Variants in ANO1 observed in about 807,000 individuals in gnomAD.
ANO1 encodes anoctamin 1.
In ANO1, 59 loss-of-function variants were observed where a neutral mutation model predicts 124.0. The ratio of observed to expected loss-of-function variants is 0.48; its 90% CI spans 0.39 to 0.59. ANO1 has a LOEUF of 0.59. Among genes scored for constraint, ANO1 ranks in the 20% least tolerant of loss-of-function variants. The pLI is 0.00. For missense variants in ANO1, 1,059 were observed against 1,328.0 expected, an observed-to-expected ratio of 0.80 and a Z score of 3.15; for synonymous variants, 529 against 532.0, an observed-to-expected ratio of 0.99 and a Z score of 0.08.
At chr11:70,009,465 G>A (rs897024487) in intron 1 of ANO1, among the ~76,000 whole-genome samples, 3 of 152,156 alleles carry the variant, frequency 2.0e-5, no homozygotes, top group Admixed American at 6.5e-5. Flanking sequence ...TCTTTCCCTG[G>A]ACCTGAGTTC....
At chr11:69,972,522 A>C in the ANO1 span, among the ~76,000 whole-genome samples, 1 of 152,192 alleles carries the variant, frequency 6.6e-6, no homozygotes, top group South Asian at 2.1e-4. Flanking sequence ...TGAAAACTGT[A>C]AAGTGCTATA....
intron 13 of ANO1, 81 bp downstream of exon 13, chr11:70,152,542 T>G: frequency 6.6e-7 from 1 of 1,511,150 alleles, no homozygotes; most frequent in Non-Finnish European, 9.1e-7. Context: ...CCTAATCTCT[T>G]TCTACCACGC....
intron 2 of ANO1, 78 bp from the exon 3 acceptor site, chr11:70,102,988 T>C: frequency 1.0e-6 from 1 of 983,936 alleles, no homozygotes; most frequent in Non-Finnish European, 1.5e-6. Context: ...TAAATTGTGG[T>C]GGCCTCTGAA....
intron 8 of ANO1, 49 bp downstream of exon 8, chr11:70,116,548 C>T (rs1292297009): frequency 1.9e-6 from 3 of 1,549,008 alleles, no homozygotes; most frequent in Non-Finnish European, 2.6e-6. Flanking sequence ...AGCCTGGAGG[C>T]GTTCTGGGGC....
intron 11 of ANO1, among the ~76,000 whole-genome samples, chr11:70,148,569 G>A (rs1454015039): frequency 6.6e-6 from 1 of 152,208 alleles, no homozygotes; most frequent in Non-Finnish European, 1.5e-5. Context: ...AACAGTGCCT[G>A]GCAAGGAACA....
chr11:70,062,961 A>G (rs1555007975), intron 1 of ANO1, among the ~76,000 whole-genome samples: 1 of 151,758 alleles, frequency 6.6e-6, no homozygotes, highest in East Asian at 1.9e-4. Flanking sequence ...ACAGAGTCTC[A>G]CTCTGTCACC....
upstream of ANO1, among the ~76,000 whole-genome samples, chr11:70,076,256 G>A (rs1196279653): frequency 6.6e-6 from 1 of 152,200 alleles, no homozygotes; most frequent in African/African-American, 2.4e-5. Flanking sequence ...GTTAAGCACT[G>A]TTTCTTGAGT....
At chr11:70,077,706 A>C (rs1015070069), upstream of ANO1, among the ~76,000 whole-genome samples, 2 of 152,148 alleles carry the variant, frequency 1.3e-5, no homozygotes, top group African/African-American at 4.8e-5. Flanking sequence ...TGTCCTCTGC[A>C]AAATGAGGAC....
At chr11:70,030,148 T>C (rs1555003666) in intron 1 of ANO1, among the ~76,000 whole-genome samples, 2 of 152,182 alleles carry the variant, frequency 1.3e-5, no homozygotes, top group Non-Finnish European at 2.9e-5. Context: ...GAAGCGAAAG[T>C]TGCTCAGTCT....
intron 7 of ANO1, among the ~76,000 whole-genome samples, 153 bp downstream of exon 7, chr11:70,111,915 T>C (rs528165611): frequency 1.3e-5 from 2 of 152,322 alleles, no homozygotes; most frequent in African/African-American, 2.4e-5. Context: ...CCTTCCCTGT[T>C]CCCCGGGTGG....
chr11:70,040,139 G>T (rs11237569), intron 1 of ANO1, among the ~76,000 whole-genome samples: 2,873 of 152,110 alleles, frequency 0.019, 110 homozygotes, highest in East Asian at 0.16. Context: ...ATCTGGCAGC[G>T]GATACCAAAT....
At chr11:70,089,041 G>C (rs1036107229) in intron 2 of ANO1, among the ~76,000 whole-genome samples, 1 of 152,160 alleles carries the variant, frequency 6.6e-6, no homozygotes, top group Admixed American at 6.5e-5. Flanking sequence ...CTAGCACAGC[G>C]GTGCTTCCTT....
At chr11:70,041,751 C>T (rs1168966158) in intron 1 of ANO1, among the ~76,000 whole-genome samples, 1 of 152,078 alleles carries the variant, frequency 6.6e-6, no homozygotes, top group African/African-American at 2.4e-5. Context: ...TCCTGCTGTA[C>T]TTCCTTCCCT....
chr11:69,998,130 C>T (rs1033851519), intron 1 of ANO1, among the ~76,000 whole-genome samples: 5 of 152,310 alleles, frequency 3.3e-5, no homozygotes, highest in Admixed American at 1.3e-4. Context: ...ACTCCTCACA[C>T]GGGTTTCTCT....
chr11:70,103,891 C>T (rs532885177), intron 3 of ANO1, 108 bp from the exon 4 acceptor site: 59 of 1,249,886 alleles, frequency 4.7e-5, no homozygotes, highest in African/African-American at 2.6e-4. Flanking sequence ...GCTCTCAGGA[C>T]GCCCCGTTGC....
intron 1 of ANO1, among the ~76,000 whole-genome samples, chr11:70,037,872 G>T (rs1371479675): frequency 2.6e-5 from 4 of 152,182 alleles, no homozygotes; most frequent in African/African-American, 9.7e-5. Flanking sequence ...AGGCAGGTAA[G>T]AAACTTGTCT....
chr11:69,974,888 A>T, the ANO1 span, among the ~76,000 whole-genome samples: 2 of 18,710 alleles, frequency 1.1e-4, no homozygotes, highest in Non-Finnish European at 1.9e-4. Context: ...CTCCGTCTCT[A>T]AAAAAAAAAA....
chr11:70,149,835 G>A lies in ANO1; in HGVS notation c.1341+43G>A, dbSNP rs576108189. 3.3e-5 allele frequency: 52 copies of A among 1,597,058 alleles called. No homozygotes were observed. In the East Asian group the frequency reaches 9.7e-4, roughly 30 times the overall value. Reference sequence around the variant, plus strand: ...CGTGCATATCACGCCCTTCCCCCACGTTCCCCCTACCCCAGGACCTCCTTG... The same window carrying A: ...CGTGCATATCACGCCCTTCCCCCACATTCCCCCTACCCCAGGACCTCCTTG... On this transcript the variant is annotated intron_variant, in intron 12 of 25. Coordinates refer to ENST00000355303, the MANE Select transcript of ANO1 (RefSeq NM_018043.7).
At chr11:70,074,330 C>G (rs1441092502), upstream of ANO1, among the ~76,000 whole-genome samples, 1 of 152,182 alleles carries the variant, frequency 6.6e-6, no homozygotes, top group Non-Finnish European at 1.5e-5. Context: ...CTCAGTGCAC[C>G]CGGGCTGTGT....
Sources: allele counts gnomAD v4.1 joint callset (sites outside exome capture counted in the v4.1 genomes callset), GRCh38; gene constraint gnomAD v4.1.1; transcripts MANE v1.5; gene names NCBI Gene and HGNC (gene_info 2026-07-23, HGNC 2026-07-21).